ASIC2: variants seen among roughly 807,000 people sequenced by gnomAD.
ASIC2 encodes the protein acid-sensing ion channel 2.
In ASIC2, 25 loss-of-function variants were observed where a neutral mutation model predicts 57.3. That is an observed-to-expected ratio of 0.44 (90% CI 0.32 to 0.61). The LOEUF (loss-of-function observed/expected upper bound fraction) is 0.61. Ranked by LOEUF, ASIC2 falls within the 20% of genes least tolerant of loss-of-function variation. The probability of loss-of-function intolerance (pLI) is 0.06; values close to 1 mark genes in which losing one functional copy is unlikely to be tolerated. For missense variants in ASIC2, 641 were observed against 738.1 expected (o/e 0.87, Z 1.52); for synonymous variants, 319 against 307.5 (o/e 1.04, Z -0.39).
intron 1 of ASIC2, among the ~76,000 whole-genome samples, chr17:33,230,818 G>A (rs1261416769): frequency 6.6e-6 from 1 of 152,118 alleles, no homozygotes; most frequent in Non-Finnish European, 1.5e-5. Flanking sequence ...TCTGCGCAAG[G>A]TTAATGCTGG....
At chr17:33,841,814 G>A (rs980273093) in intron 1 of ASIC2, among the ~76,000 whole-genome samples, 19 of 152,164 alleles carry the variant, frequency 1.2e-4, no homozygotes, top group African/African-American at 4.3e-4. Context: ...GAAGGCACCA[G>A]GTTCAAGAGG....
chr17:33,361,266 G>T (rs760973386), intron 1 of ASIC2, among the ~76,000 whole-genome samples: 8 of 152,196 alleles, frequency 5.3e-5, no homozygotes, highest in Non-Finnish European at 1.2e-4. Flanking sequence ...AAGCCCACTT[G>T]GGAATTCATG....
intron 1 of ASIC2, among the ~76,000 whole-genome samples, chr17:33,162,375 A>G (rs575384565): frequency 5.3e-4 from 80 of 152,346 alleles, no homozygotes; most frequent in Non-Finnish European, 7.9e-4. Flanking sequence ...CGCACGGAAC[A>G]TCTGCCCCAC....
At chr17:33,165,020 C>T (rs1302457456) in intron 1 of ASIC2, among the ~76,000 whole-genome samples, 1 of 152,186 alleles carries the variant, frequency 6.6e-6, no homozygotes, top group African/African-American at 2.4e-5. Flanking sequence ...TTTCTATCAT[C>T]TTCAATGTAT....
chr17:34,099,472 G>C (rs763608418), intron 1 of ASIC2, among the ~76,000 whole-genome samples: 6 of 135,650 alleles, frequency 4.4e-5, no homozygotes, highest in Non-Finnish European at 7.7e-5. Flanking sequence ...GAAAGAGAGA[G>C]AAAGGAAGGA....
At chr17:33,915,492 T>A (rs1276013805) in intron 1 of ASIC2, among the ~76,000 whole-genome samples, 1 of 152,202 alleles carries the variant, frequency 6.6e-6, no homozygotes, top group Non-Finnish European at 1.5e-5. Context: ...CTTTCAGACA[T>A]GTTCAGATTT....
intron 1 of ASIC2, among the ~76,000 whole-genome samples, chr17:33,424,329 A>T (rs372754818): frequency 6.6e-6 from 1 of 152,194 alleles, no homozygotes; most frequent in African/African-American, 2.4e-5. Context: ...AGCTGTTATA[A>T]ATGGTCCTTT....
At chr17:33,178,425 C>T (rs1004473160) in intron 1 of ASIC2, among the ~76,000 whole-genome samples, 1 of 152,126 alleles carries the variant, frequency 6.6e-6, no homozygotes, top group African/African-American at 2.4e-5. Context: ...AATGTAAAGT[C>T]TTGGCTTGTT....
At chr17:33,600,529 G>A (rs1266075390) in intron 1 of ASIC2, among the ~76,000 whole-genome samples, 1 of 152,226 alleles carries the variant, frequency 6.6e-6, no homozygotes, top group Non-Finnish European at 1.5e-5. Context: ...ACTAGGTAAT[G>A]GGTAGAGGTT....
chr17:34,032,586 A>G (rs1381581046), intron 1 of ASIC2, among the ~76,000 whole-genome samples: 2 of 152,258 alleles, frequency 1.3e-5, no homozygotes, highest in African/African-American at 4.8e-5. Flanking sequence ...TAAAGAGTCA[A>G]GACCCATCAG....
chr17:34,089,784 C>T (rs1271803102), intron 1 of ASIC2, among the ~76,000 whole-genome samples: 2 of 152,118 alleles, frequency 1.3e-5, no homozygotes, highest in African/African-American at 4.8e-5. Context: ...TTCTCAGATT[C>T]CTTGTGACCT....
intron 1 of ASIC2, among the ~76,000 whole-genome samples, chr17:33,635,385 C>T (rs1288164777): frequency 1.3e-5 from 2 of 152,214 alleles, no homozygotes; most frequent in African/African-American, 4.8e-5. Flanking sequence ...AATTACTCGA[C>T]TATTATCTCA....
At chr17:33,694,422 A>G (rs1908466229) in intron 1 of ASIC2, among the ~76,000 whole-genome samples, 1 of 152,184 alleles carries the variant, frequency 6.6e-6, no homozygotes. Flanking sequence ...TCTGTGTTCC[A>G]GTCAGGCTGA....
At chr17:33,953,348 G>T (rs1218553116) in intron 1 of ASIC2, among the ~76,000 whole-genome samples, 1 of 152,018 alleles carries the variant, frequency 6.6e-6, no homozygotes, top group East Asian at 1.9e-4. Context: ...CCTATGTCTG[G>T]TACTTAAATC....
At chr17:33,398,799 T>A (rs1910174402) in intron 1 of ASIC2, among the ~76,000 whole-genome samples, 1 of 152,184 alleles carries the variant, frequency 6.6e-6, no homozygotes. Flanking sequence ...TGAAGTGACT[T>A]GCCCGGGGCT....
At chr17:33,429,821 T>C (rs1911346464) in intron 1 of ASIC2, among the ~76,000 whole-genome samples, 1 of 152,182 alleles carries the variant, frequency 6.6e-6, no homozygotes, top group South Asian at 2.1e-4. Flanking sequence ...CAGGGAATCA[T>C]AAGCAACCCC....
rs1240373061 is a variant in ASIC2 at position 33,023,931 on chromosome 17, C to T, written c.1279G>A (p.Val427Met). Residue 427 changes from valine to methionine, a missense_variant, in exon 6 of 10, where the codon GTG becomes ATG. Coordinates refer to ENST00000225823, the MANE Select transcript of ASIC2 (RefSeq NM_183377.2). ...LTRYNKELSM[V>M]KIPSKTSAKY... ...GCTGATGTCTTGCTGGGGATCTTCACCATGGAGAGCTCTTTGTTGTAGCGG... is the reference window on the plus strand; with the variant it reads ...GCTGATGTCTTGCTGGGGATCTTCATCATGGAGAGCTCTTTGTTGTAGCGG... 6.2e-7 allele frequency: 1 copy of T among 1,614,130 alleles called. No homozygotes were observed.
chr17:33,334,946 A>T (rs895607915), intron 1 of ASIC2, among the ~76,000 whole-genome samples: 25 of 152,216 alleles, frequency 1.6e-4, no homozygotes, highest in Admixed American at 6.5e-5. Context: ...GTATTAGGAG[A>T]TAATAACAAT....
chr17:33,877,094 CA>C (rs1322943243), intron 1 of ASIC2, among the ~76,000 whole-genome samples: 1 of 152,044 alleles, frequency 6.6e-6, no homozygotes, highest in African/African-American at 2.4e-5. Flanking sequence ...TTTTTTTCTC[CA>C]CAGTATGATA....
Sources: allele counts gnomAD v4.1 joint callset (sites outside exome capture counted in the v4.1 genomes callset), GRCh38; gene constraint gnomAD v4.1.1; transcripts MANE v1.5; gene names NCBI Gene and HGNC (gene_info 2026-07-23, HGNC 2026-07-21).